ARHGEF2: variants seen among roughly 807,000 people sequenced by gnomAD.
ARHGEF2 encodes the protein Rho/Rac guanine nucleotide exchange factor 2, also known as rho guanine nucleotide exchange factor 2.
In ARHGEF2, 22 loss-of-function variants were observed where a neutral mutation model predicts 121.0. The ratio of observed to expected loss-of-function variants is 0.18; its 90% CI spans 0.13 to 0.26. The LOEUF (loss-of-function observed/expected upper bound fraction) is 0.26. Among genes scored for constraint, ARHGEF2 ranks in the 10% least tolerant of loss-of-function variants. ARHGEF2 has a pLI of 1.00. For synonymous variants in ARHGEF2, 487 were observed against 530.0 expected, an observed-to-expected ratio of 0.92 and a Z score of 1.11; for missense variants, 907 against 1,336.0, an observed-to-expected ratio of 0.68 and a Z score of 5.01.
At chr1:155,969,608 C>T (rs1247677309) in intron 1 of ARHGEF2, 1 of 1,219,110 alleles carries the variant, frequency 8.2e-7, no homozygotes, top group Non-Finnish European at 1.0e-6. Flanking sequence ...CTCACTCCAC[C>T]TTCCCAGCCC....
At chr1:155,964,859 C>T in intron 7 of ARHGEF2, 129 bp downstream of exon 7, 1 of 1,089,918 alleles carries the variant, frequency 9.2e-7, no homozygotes, top group Non-Finnish European at 1.3e-6. Flanking sequence ...TGCCACTGCA[C>T]TTCAGCCTGG....
chr1:155,978,039 A>T lies in ARHGEF2; in HGVS notation c.63+326T>A. 1 of 1,047,336 alleles carries T rather than the reference A, an allele frequency of 9.5e-7. No individual in the cohort carries two copies. Among genetic ancestry groups the T allele is most frequent in the Non-Finnish European group, 1.2e-6 (1 of 860,484 alleles). 64.9% of individuals were successfully genotyped at this position (1,047,336 alleles called of 1,614,324 possible). A position where few individuals can be genotyped will look rare whatever the true frequency, so the allele number is the denominator to read the frequency against. On this transcript the variant is annotated intron_variant, in intron 1 of 21. Transcript: ENST00000361247. The surrounding 1 kb of genome is among the most constrained non-coding windows in gnomAD (Gnocchi z 4.1). ...CACCGCCCCCACCCGCGAGACACACACCTCCCTCTTCCCGCTCCGTCCCTT... is the reference window on the plus strand; with the variant it reads ...CACCGCCCCCACCCGCGAGACACACTCCTCCCTCTTCCCGCTCCGTCCCTT...
At chr1:155,977,676 A>C (rs1681539032) in intron 1 of ARHGEF2, among the ~76,000 whole-genome samples, 1 of 152,210 alleles carries the variant, frequency 6.6e-6, no homozygotes, top group African/African-American at 2.4e-5. Context: ...AAAGGAGCCC[A>C]GCTACACAAA....
In ARHGEF2 at chr1:155,948,014, G is replaced by C; in HGVS notation, c.2889C>G (p.Asp963Glu). 6 of 1,551,170 alleles carry C rather than the reference G, an allele frequency of 3.9e-6. No individual in the cohort carries two copies. Among genetic ancestry groups the C allele is most frequent in the Middle Eastern group, 1.7e-4 (1 of 5,986 alleles). ...CCGGGATGTCCTGCATTCTGGTAAAGTCTGAAGGGGGACAGGACAAAGCCA... is the reference window on the plus strand; with the variant it reads ...CCGGGATGTCCTGCATTCTGGTAAACTCTGAAGGGGGACAGGACAAAGCCA... The part of the protein sequence containing the change: ...SRLSPPHSPR[D>E]FTRMQDIPEE... Residue 963 changes from aspartate to glutamate, a missense_variant and splice_region_variant, in exon 22 of 22, where the codon GAC (aspartate) becomes GAG (glutamate). Physicochemically the swap from Asp to Glu is conservative, Grantham distance 45. Around this residue, in one of 2 missense-constraint regions of ARHGEF2, gnomAD observed 432 missense variants for 559.5 expected, o/e 0.77. Transcript: ENST00000361247.
At chr1:155,979,194 G>C (rs1352342367), upstream of ARHGEF2, 1 of 985,292 alleles carries the variant, frequency 1.0e-6, no homozygotes, top group Non-Finnish European at 1.2e-6. Flanking sequence ...GGGCCTTCCT[G>C]ACCCCACTCT....
At chr1:155,958,479 T>A (rs1677141270) in intron 11 of ARHGEF2, 83 bp from the exon 12 acceptor site, 1 of 1,159,554 alleles carries the variant, frequency 8.6e-7, no homozygotes, top group Admixed American at 1.9e-5. Context: ...ACCAGGCTTA[T>A]CCCATCAGGT....
intron 7 of ARHGEF2, among the ~76,000 whole-genome samples, chr1:155,964,691 G>A (rs1267335718): frequency 1.3e-5 from 2 of 151,942 alleles, no homozygotes; most frequent in African/African-American, 4.8e-5. Flanking sequence ...AGGCTGAGGC[G>A]GGCAGATCAC....
chr1:155,970,315 A>C (rs1680219491), intron 1 of ARHGEF2: 1 of 985,370 alleles, frequency 1.0e-6, no homozygotes, highest in South Asian at 4.7e-5. Flanking sequence ...CTGCAAGTCA[A>C]GTCATTCTCC....
rs190186301 is a variant in ARHGEF2, at chr1:155,970,783, C to G, written c.64-1483G>C. Reference sequence around the variant, plus strand: ...AGGGGCTGAGTCAACAGTGCAGGGACAGAGGGCATGGGGCTGCAGTGCCTG... The same window carrying G: ...AGGGGCTGAGTCAACAGTGCAGGGAGAGAGGGCATGGGGCTGCAGTGCCTG... On this transcript the variant is annotated intron_variant, in intron 1 of 21. Coordinates refer to ENST00000361247, the MANE Select transcript of ARHGEF2 (RefSeq NM_001162383.2). 36 of 985,950 alleles carry G rather than the reference C, an allele frequency of 3.7e-5. No homozygotes were observed. The Admixed American group carries it at 1.8e-3, about 50-fold the overall frequency. 61.1% of individuals were successfully genotyped at this position (985,950 alleles called of 1,614,324 possible). A position where few individuals can be genotyped will look rare whatever the true frequency, so the allele number is the denominator to read the frequency against.
In ARHGEF2 at chr1:155,966,829, G is replaced by C; in HGVS notation, c.267C>G (p.Val89=). 6.2e-7 allele frequency: 1 copy of C among 1,613,204 alleles called. No homozygotes were observed. The highest frequency in any genetic ancestry group is 8.5e-7 in the Non-Finnish European group (1 of 1,179,414). ...CKDTLANCTK[V]KQKQQKAALL... is the part of the protein sequence containing the mutation. Reference sequence around the variant, plus strand: ...CTCCCTGCCGTCTCACCTTCTGCTTGACCTTGGTACAGTTGGCGAGGGTGT... The same window carrying C: ...CTCCCTGCCGTCTCACCTTCTGCTTCACCTTGGTACAGTTGGCGAGGGTGT... Residue 89 remains valine (V), a synonymous_variant, in exon 3 of 22, where the codon GTC becomes GTG. Transcript: ENST00000361247.
At position 155,962,309 on chromosome 1, in the gene ARHGEF2, G is replaced by T; in HGVS notation, c.1102-87C>A. The stretch of plus-strand genomic sequence containing the variant: ...GAGCTCTGGTGCTGGCCCTGGCGTG[G>T]CCATTTACCTCATGCTTGCCTAGGT... On this transcript the variant is annotated intron_variant, in intron 9 of 21. Transcript: ENST00000361247. This position sits in a 1 kb window ranked among gnomAD's most constrained non-coding sequence, Gnocchi z 5.8. The T allele has an allele frequency of 7.4e-7, 1 of 1,359,204 alleles. No homozygotes were observed. The allele number at this position is 1,359,204 out of a possible 1,614,324, so 84.2% of individuals were successfully genotyped here.
rs2102703052 is a variant in ARHGEF2 at position 155,978,460 on chromosome 1, C to T, written c.-33G>A. On this transcript the variant is annotated 5_prime_UTR_variant, in exon 1 of 22. Coordinates refer to ENST00000361247, the MANE Select transcript of ARHGEF2 (RefSeq NM_001162383.2). The surrounding 1 kb of genome is among the most constrained non-coding windows in gnomAD (Gnocchi z 4.1). ...CGGGGGGACCAGGGAGGACGCGGCG[C>T]GGACCCCGGCGTCCTGTATTGTTGG... 2 of 1,444,016 alleles carry T rather than the reference C, an allele frequency of 1.4e-6. No individual in the cohort carries two copies. The highest frequency in any genetic ancestry group is 2.7e-5 in the South Asian group (2 of 74,060). 89.5% of individuals were successfully genotyped at this position (1,444,016 alleles called of 1,614,324 possible). A position where few individuals can be genotyped will look rare whatever the true frequency, so the allele number is the denominator to read the frequency against.
chr1:155,969,774 G>A (rs1364171966), intron 1 of ARHGEF2: 1 of 988,762 alleles, frequency 1.0e-6, no homozygotes, highest in Non-Finnish European at 1.2e-6. Context: ...GACAACCAGT[G>A]TTGGATCTGC....
rs757487590 is a variant in ARHGEF2 at position 155,965,097 on chromosome 1, A to G, written c.615T>C (p.Phe205=). Residue 205 remains phenylalanine (F), a synonymous_variant, in exon 7 of 22, where the codon TTT becomes TTC. Transcript: ENST00000361247. This position sits in a 1 kb window ranked among gnomAD's most constrained non-coding sequence, Gnocchi z 6.0. ...EVIYSELMSD[F]EMDEKDFAAD... Reference sequence around the variant, plus strand: ...CTGCAAAGTCCTTCTCATCCATCTCAAAGTCACTCATCAGCTCACTGTAGA... The same window carrying G: ...CTGCAAAGTCCTTCTCATCCATCTCGAAGTCACTCATCAGCTCACTGTAGA... The G allele has an allele frequency of 6.2e-7, 1 of 1,614,022 alleles. No homozygotes were observed. The highest frequency in any genetic ancestry group is 1.7e-5 in the Admixed American group (1 of 60,006).
At chr1:155,957,973 G>T in intron 12 of ARHGEF2, 91 bp from the exon 13 acceptor site, 1 of 1,325,516 alleles carries the variant, frequency 7.5e-7, no homozygotes, top group South Asian at 1.4e-5. Context: ...GGACTGAAAG[G>T]ACTGAAGAGT....
intron 12 of ARHGEF2, 73 bp downstream of exon 12, chr1:155,958,247 G>T: frequency 7.9e-7 from 1 of 1,273,384 alleles, no homozygotes; most frequent in Non-Finnish European, 1.1e-6. Flanking sequence ...AGCTCTCGTG[G>T]GCTTGGGCAG....
upstream of ARHGEF2, chr1:155,978,988 C>T (rs946801710): frequency 4.1e-6 from 4 of 985,706 alleles, no homozygotes; most frequent in South Asian, 9.4e-5. This position sits in a 1 kb window ranked among gnomAD's most constrained non-coding sequence, Gnocchi z 4.1. Flanking sequence ...CCAGTTCCTT[C>T]CTGGCCTTCG....
chr1:155,964,871 TGA>T, intron 7 of ARHGEF2, 115 bp downstream of exon 7: 1 of 1,196,430 alleles, frequency 8.4e-7, no homozygotes, highest in Non-Finnish European at 1.1e-6. Context: ...TCAGCCTGGT[TGA>T]GAGAGTGAGA....
Position 155,947,800 on chromosome 1 carries a change from G to T in ARHGEF2, c.*142C>A. 1.7e-6 allele frequency: 1 copy of T among 589,692 alleles called. No homozygotes were observed. Among genetic ancestry groups the T allele is most frequent in the Non-Finnish European group, 3.0e-6 (1 of 328,196 alleles). The allele number at this position is 589,692 out of a possible 1,614,324, so 36.5% of individuals were successfully genotyped here. On this transcript the variant is annotated 3_prime_UTR_variant, in exon 22 of 22. Coordinates refer to ENST00000361247, the MANE Select transcript of ARHGEF2 (RefSeq NM_001162383.2). ...CCCCTAGCTTCTTAAATGGCCCCAGGTATCCAAGGATCCCAAGAGCTGGCA... is the reference window on the plus strand; with the variant it reads ...CCCCTAGCTTCTTAAATGGCCCCAGTTATCCAAGGATCCCAAGAGCTGGCA...
Sources: gnomAD v4.1 joint callset for allele counts (sites outside exome capture counted in the v4.1 genomes callset) on GRCh38, gnomAD v4.1.1 for gene constraint, gnomAD v4.1.1 regional missense constraint, Gnocchi (gnomAD v3.1) non-coding constraint, MANE v1.5 for transcripts, NCBI Gene and HGNC (gene_info 2026-07-23, HGNC 2026-07-21) for gene names.